The following PDGFRA variants were observed in gnomAD, a reference collection of about 807,000 sequenced individuals.
PDGFRA encodes platelet-derived growth factor receptor alpha.
Under a neutral mutation model 121.5 loss-of-function variants are expected in PDGFRA, and 25 were observed. The ratio of observed to expected loss-of-function variants is 0.21; its 90% confidence interval spans 0.15 to 0.29. PDGFRA has a LOEUF of 0.29. Among genes scored for constraint, PDGFRA ranks in the 10% least tolerant of loss-of-function variants. The probability of loss-of-function intolerance (pLI) is 1.00; values close to 1 mark genes in which losing one functional copy is unlikely to be tolerated. For missense variants in PDGFRA, 1,008 were observed against 1,345.1 expected, an observed-to-expected ratio of 0.75 and a Z score of 3.92; for synonymous variants, 463 against 494.8, an observed-to-expected ratio of 0.94 and a Z score of 0.85.
At chr4:54,240,287 C>T (rs759408351) in intron 1 of PDGFRA, among the ~76,000 whole-genome samples, 1 of 152,292 alleles carries the variant, frequency 6.6e-6, no homozygotes, top group East Asian at 1.9e-4. Flanking sequence ...AGAGTTCTCC[C>T]GTTGTGTTGA....
In PDGFRA at chr4:54,290,407, C is replaced by G; in HGVS notation, c.2975C>G (p.Thr992Ser). Residue 992 changes from threonine to serine, a missense_variant, in exon 22 of 23, where the codon ACC (threonine) becomes AGC (serine). Thr to Ser is a moderately conservative substitution (Grantham distance 58). Coordinates refer to ENST00000257290, the MANE Select transcript of PDGFRA (RefSeq NM_006206.6). ...VDSDNAYIGV[T>S]YKNEEDKLKD... ...TCAGACAATGCATACATTGGTGTCA[C>G]CTACAAAAACGAGGAAGACAAGCTG... 1 of 1,613,908 alleles carries G rather than the reference C, an allele frequency of 6.2e-7. No homozygotes were observed. The highest frequency in any genetic ancestry group is 8.5e-7 in the Non-Finnish European group (1 of 1,179,784).
intron 1 of PDGFRA, among the ~76,000 whole-genome samples, chr4:54,234,014 G>A (rs1720863911): frequency 6.6e-6 from 1 of 152,258 alleles, no homozygotes; most frequent in Non-Finnish European, 1.5e-5. Context: ...TGCCCCGAGG[G>A]GGCGGAAATG....
In PDGFRA at chr4:54,256,496, C is replaced by T. The variant is rs186893091; in HGVS notation, c.-12-2261C>T. On this transcript the variant is annotated intron_variant, in intron 1 of 22. Transcript: ENST00000257290. ...CAGGTGATCCACCTGCCTTGGCCTCCCAAAGTGCTGCGATTACAGGCATGA... is the reference window on the plus strand; with the variant it reads ...CAGGTGATCCACCTGCCTTGGCCTCTCAAAGTGCTGCGATTACAGGCATGA... Among the ~76,000 whole-genome samples the T allele has an allele frequency of 1.6e-3, 247 of 151,650 alleles. 2 individuals carry two copies. The highest frequency in any genetic ancestry group is 0.014 in the Admixed American group (213 of 15,260).
chr4:54,282,288 A>G (rs1724119340), intron 16 of PDGFRA, among the ~76,000 whole-genome samples: 1 of 152,142 alleles, frequency 6.6e-6, no homozygotes, highest in South Asian at 2.1e-4. Context: ...CAGGCTTTAC[A>G]GGAATCAAGA....
At chr4:54,265,310 C>T (rs968326460) in intron 5 of PDGFRA, 8 of 430,994 alleles carry the variant, frequency 1.9e-5, no homozygotes, top group African/African-American at 1.6e-4. Flanking sequence ...AGAAGTCAGA[C>T]AGAAATAGGA....
chr4:54,245,175 C>T (rs1423791844), intron 1 of PDGFRA, among the ~76,000 whole-genome samples: 2 of 152,192 alleles, frequency 1.3e-5, no homozygotes, highest in African/African-American at 4.8e-5. Flanking sequence ...CCTCCCCAAT[C>T]TAGCAAGGCA....
chr4:54,278,212 T>C (rs1040846525), intron 14 of PDGFRA, 150 bp from the exon 15 acceptor site: 5 of 735,172 alleles, frequency 6.8e-6, no homozygotes, highest in African/African-American at 2.0e-5. Context: ...TAGCCATTCA[T>C]GGCTCTTTAT....
At chr4:54,256,339 G>A (rs750174596) in intron 1 of PDGFRA, among the ~76,000 whole-genome samples, 2 of 151,966 alleles carry the variant, frequency 1.3e-5, no homozygotes, top group East Asian at 1.9e-4. Context: ...GGGTTCAAGC[G>A]ATTCTCCTGT....
intron 5 of PDGFRA, among the ~76,000 whole-genome samples, chr4:54,266,606 T>TA (rs1290344081): frequency 6.6e-6 from 1 of 152,208 alleles, no homozygotes; most frequent in Non-Finnish European, 1.5e-5. Context: ...TAATAGGTGT[T>TA]ATTCTTTAAA....
intron 19 of PDGFRA, 33 bp from the exon 20 acceptor site, chr4:54,288,766 G>C (rs1206305637): frequency 6.7e-6 from 8 of 1,195,032 alleles, no homozygotes; most frequent in Non-Finnish European, 1.0e-5. Context: ...CTGAGCGTTT[G>C]TTAGTCCTGG....
rs768478426 is a variant in PDGFRA at position 54,264,908 on chromosome 4, C to A, written c.629-11C>A. Reference sequence around the variant, plus strand: ...GGATTTTTAGGCCCTTGTATTTGTTCTTTTTTATAGCAACATCAGAGCTGG... The same window carrying A: ...GGATTTTTAGGCCCTTGTATTTGTTATTTTTTATAGCAACATCAGAGCTGG... On this transcript the variant is annotated splice_polypyrimidine_tract_variant and intron_variant, in intron 4 of 22. Transcript: ENST00000257290. 6.3e-7 allele frequency: 1 copy of A among 1,587,492 alleles called. No homozygotes were observed. The highest frequency in any genetic ancestry group is 8.6e-7 in the Non-Finnish European group (1 of 1,163,650).
chr4:54,274,345 T>G (rs1271484850), intron 10 of PDGFRA, among the ~76,000 whole-genome samples, 186 bp from the exon 11 acceptor site: 1 of 152,174 alleles, frequency 6.6e-6, no homozygotes, highest in East Asian at 1.9e-4. Flanking sequence ...AAAGAGTTGA[T>G]GTAGTTTCCT....
In PDGFRA at chr4:54,287,600, T is replaced by C. The variant is rs1327854069; in HGVS notation, c.2674+59T>C. ...TTCTGAAACACCACTGGAAGGAAAA[T>C]GTGTTCTTTCAAGCCCCAGGATGTA... is the stretch of plus-strand genomic sequence containing the variant. On this transcript the variant is annotated intron_variant, in intron 19 of 22. Transcript: ENST00000257290. The C allele has an allele frequency of 6.2e-6, 5 of 802,530 alleles. No individual in the cohort carries two copies. In the East Asian group the frequency reaches 9.7e-5, roughly 16 times the overall value. The allele number at this position is 802,530 out of a possible 1,614,324, so 49.7% of individuals were successfully genotyped here.
intron 18 of PDGFRA, among the ~76,000 whole-genome samples, chr4:54,286,831 A>G (rs1333951787): frequency 6.6e-6 from 1 of 152,130 alleles, no homozygotes; most frequent in Non-Finnish European, 1.5e-5. Flanking sequence ...CCTTAAAGAT[A>G]CTCATTTTGT....
At chr4:54,261,939 T>C (rs1722765962) in intron 3 of PDGFRA, among the ~76,000 whole-genome samples, 1 of 141,072 alleles carries the variant, frequency 7.1e-6, no homozygotes, top group East Asian at 2.0e-4. Flanking sequence ...ATATTTTTTT[T>C]TTTTTTGGTA....
chr4:54,249,718 T>A (rs1721936779), intron 1 of PDGFRA, among the ~76,000 whole-genome samples: 1 of 152,062 alleles, frequency 6.6e-6, no homozygotes, highest in South Asian at 2.1e-4. Flanking sequence ...CACACCAGCA[T>A]GGCACATGTA....
intron 16 of PDGFRA, among the ~76,000 whole-genome samples, chr4:54,284,266 C>T (rs574419403): frequency 2.6e-5 from 4 of 152,330 alleles, no homozygotes; most frequent in Non-Finnish European, 5.9e-5. Context: ...CCTTCATCTT[C>T]CTGTCTTCTT....
At chr4:54,258,064 C>G (rs914299640) in intron 1 of PDGFRA, among the ~76,000 whole-genome samples, 3 of 152,166 alleles carry the variant, frequency 2.0e-5, no homozygotes, top group Non-Finnish European at 2.9e-5. Context: ...CTGCATCCCT[C>G]CTACCCCCTG....
rs1553902692 is a variant in PDGFRA, at chr4:54,263,728, T to G, written c.429T>G (p.Asp143Glu). Reference protein sequence around the residue: ...MTDYLVIVEDDDSAIIPCRTT... With the variant: ...MTDYLVIVEDEDSAIIPCRTT... The stretch of plus-strand genomic sequence containing the variant: ...ATTATTTAGTCATCGTGGAGGATGA[T>G]GATTCTGCCATTATACCTTGTCGCA... The change falls in exon 4 of 23, where the codon GAT (aspartate) becomes GAG (glutamate). Residue 143 changes from aspartate to glutamate, a missense_variant. This residue lies in a region of PDGFRA where 575 missense variants were observed against 701.8 expected (regional missense o/e 0.82). Transcript: ENST00000257290. The G allele has an allele frequency of 1.2e-6, 2 of 1,613,878 alleles. No homozygotes were observed. The highest frequency in any genetic ancestry group is 1.7e-6 in the Non-Finnish European group (2 of 1,179,746).
Sources: gnomAD v4.1 joint callset for allele counts (sites outside exome capture counted in the v4.1 genomes callset) on GRCh38, gnomAD v4.1.1 for gene constraint, gnomAD v4.1.1 regional missense constraint, MANE v1.5 for transcripts, NCBI Gene and HGNC (gene_info 2026-07-23, HGNC 2026-07-21) for gene names.